The following SHISA6 variants were observed in gnomAD, a reference collection of about 807,000 sequenced individuals.
SHISA6 encodes protein shisa-6.
Under a neutral mutation model 47.9 loss-of-function variants are expected in SHISA6, and 22 were observed. The observed-to-expected ratio is 0.46, with a 90% confidence interval of 0.33 to 0.66. The LOEUF is 0.66. Ranked by LOEUF, SHISA6 falls within the 30% of genes least tolerant of loss-of-function variation. The probability of loss-of-function intolerance (pLI) is 0.02; values close to 1 mark genes in which losing one functional copy is unlikely to be tolerated. For synonymous variants in SHISA6, 388 were observed against 337.8 expected (o/e 1.15, Z -1.63); for missense variants, 680 against 764.6 (o/e 0.89, Z 1.30).
At chr17:11,350,116 G>A (rs983372119) in intron 2 of SHISA6, among the ~76,000 whole-genome samples, 6 of 150,530 alleles carry the variant, frequency 4.0e-5, no homozygotes, top group African/African-American at 1.2e-4. Flanking sequence ...CTCAGCCTCC[G>A]AAGTAGCTGG....
chr17:11,418,020 C>T (rs1164866196), intron 3 of SHISA6, among the ~76,000 whole-genome samples: 1 of 152,156 alleles, frequency 6.6e-6, no homozygotes, highest in Non-Finnish European at 1.5e-5. Flanking sequence ...ATCTTGTGAG[C>T]AGAGGTACAT....
At chr17:11,384,736 G>T (rs151338451) in intron 3 of SHISA6, among the ~76,000 whole-genome samples, 1 of 152,126 alleles carries the variant, frequency 6.6e-6, no homozygotes, top group African/African-American at 2.4e-5. Flanking sequence ...GTGATGATGC[G>T]AGTTACTGCC....
chr17:11,323,235 A>C (rs1281151446), intron 2 of SHISA6, among the ~76,000 whole-genome samples: 1 of 152,196 alleles, frequency 6.6e-6, no homozygotes, highest in Admixed American at 6.5e-5. Flanking sequence ...TAATTCCCAA[A>C]CCAAAGAATA....
At chr17:11,301,389 A>T (rs898592877) in intron 2 of SHISA6, among the ~76,000 whole-genome samples, 1 of 152,112 alleles carries the variant, frequency 6.6e-6, no homozygotes, top group African/African-American at 2.4e-5. Context: ...TTGTCTTTCT[A>T]ATTTTCCACT....
intron 2 of SHISA6, among the ~76,000 whole-genome samples, chr17:11,358,869 G>A (rs1398561608): frequency 6.6e-6 from 1 of 151,954 alleles, no homozygotes; most frequent in African/African-American, 2.4e-5. Flanking sequence ...ATGTTGCCTA[G>A]GCTGGTCTCG....
intron 2 of SHISA6, among the ~76,000 whole-genome samples, chr17:11,277,280 T>TCTCTCTCACACA (rs1386997909): frequency 1.2e-3 from 67 of 53,904 alleles, no homozygotes; most frequent in South Asian, 9.9e-3. Context: ...TCTCTCTCTC[T>TCTCTCTCACACA]CACACACACA....
In SHISA6 at chr17:11,438,025, A is replaced by G. The variant is rs181737436; in HGVS notation, c.895+58516A>G. On this transcript the variant is annotated intron_variant, in intron 3 of 5. Coordinates refer to ENST00000441885, the MANE Select transcript of SHISA6 (RefSeq NM_207386.4). Reference sequence around the variant, plus strand: ...GCAGGTTGAGTCAGGGTGGATAAGGATTTATGCCAGACTTATTGTCCACTC... The same window carrying G: ...GCAGGTTGAGTCAGGGTGGATAAGGGTTTATGCCAGACTTATTGTCCACTC... 9.7e-4 allele frequency among the ~76,000 whole-genome samples: 148 copies of G among 152,182 alleles called. 1 individual carries two copies. Among genetic ancestry groups the G allele is most frequent in the Non-Finnish European group, 1.2e-3 (83 of 68,000 alleles).
rs12165052 is a variant in SHISA6 at position 11,408,580 on chromosome 17, G to A, written c.895+29071G>A. On this transcript the variant is annotated intron_variant, in intron 3 of 5. Coordinates refer to ENST00000441885, the MANE Select transcript of SHISA6 (RefSeq NM_207386.4). Reference sequence around the variant, plus strand: ...GTCCTCAAGGGATATCTTAACTAATGCTACCTAGAAATGTAGTTCTGTAGC... The same window carrying A: ...GTCCTCAAGGGATATCTTAACTAATACTACCTAGAAATGTAGTTCTGTAGC... Among the ~76,000 whole-genome samples the A allele has an allele frequency of 2.4e-3, 372 of 152,330 alleles. 4 individuals carry two copies. The highest frequency in any genetic ancestry group is 8.4e-3 in the African/African-American group (348 of 41,568).
intron 2 of SHISA6, among the ~76,000 whole-genome samples, chr17:11,340,466 G>T (rs1911483032): frequency 1.3e-5 from 2 of 152,186 alleles, no homozygotes; most frequent in Non-Finnish European, 2.9e-5. Context: ...GTTTAAAGCA[G>T]AAGCTTCCAG....
chr17:11,463,584 T>C (rs988069053), intron 3 of SHISA6, among the ~76,000 whole-genome samples: 69 of 152,330 alleles, frequency 4.5e-4, no homozygotes, highest in African/African-American at 1.6e-3. Flanking sequence ...GGTCTGTATC[T>C]ATTTCTTTTT....
intron 3 of SHISA6, among the ~76,000 whole-genome samples, chr17:11,485,869 C>G (rs1341090247): frequency 6.6e-6 from 1 of 152,102 alleles, no homozygotes; most frequent in Non-Finnish European, 1.5e-5. Context: ...CCTCCCACCC[C>G]ACCTTCCAAG....
At chr17:11,373,273 A>C (rs1912686819) in intron 2 of SHISA6, among the ~76,000 whole-genome samples, 1 of 151,586 alleles carries the variant, frequency 6.6e-6, no homozygotes. Flanking sequence ...TGTGGCCTTT[A>C]TTCTTAAAGG....
At chr17:11,282,292 CAGAGT>C (rs1466018043) in intron 2 of SHISA6, among the ~76,000 whole-genome samples, 3 of 152,110 alleles carry the variant, frequency 2.0e-5, no homozygotes, top group Non-Finnish European at 4.4e-5. Flanking sequence ...TTTTTAACAT[CAGAGT>C]AGAGTTCTAG....
chr17:11,528,448 C>A (rs986098918), intron 3 of SHISA6, among the ~76,000 whole-genome samples: 1 of 152,098 alleles, frequency 6.6e-6, no homozygotes, highest in African/African-American at 2.4e-5. Context: ...AACGTATATA[C>A]ACGCATGTAT....
rs997815618 is a variant in SHISA6 at position 11,503,900 on chromosome 17, T to C, written c.896-47996T>C. On this transcript the variant is annotated intron_variant, in intron 3 of 5. Transcript: ENST00000441885. Reference sequence around the variant, plus strand: ...TTCTCTATGTACAAGTGTGTTAATGTGTATGCTCTCTGCAGCCTTCTGCTG... The same window carrying C: ...TTCTCTATGTACAAGTGTGTTAATGCGTATGCTCTCTGCAGCCTTCTGCTG... Among the ~76,000 whole-genome samples the C allele has an allele frequency of 2.0e-5, 3 of 152,248 alleles. No individual in the cohort carries two copies. In the East Asian group the frequency reaches 5.8e-4, roughly 29 times the overall value.
At chr17:11,276,910 G>A (rs954134931) in intron 2 of SHISA6, among the ~76,000 whole-genome samples, 2 of 152,112 alleles carry the variant, frequency 1.3e-5, no homozygotes, top group African/African-American at 4.8e-5. Flanking sequence ...TATGAAATTT[G>A]TCATTGTTTT....
intron 3 of SHISA6, among the ~76,000 whole-genome samples, chr17:11,494,329 C>T (rs907906410): frequency 6.6e-6 from 1 of 152,332 alleles, no homozygotes; most frequent in Middle Eastern, 3.4e-3. Context: ...CCTCTTCCCA[C>T]ATGTGGCTTG....
chr17:11,408,369 T>TA (rs1451810853), intron 3 of SHISA6, among the ~76,000 whole-genome samples: 1 of 152,200 alleles, frequency 6.6e-6, no homozygotes, highest in African/African-American at 2.4e-5. Flanking sequence ...ATCCCAGACT[T>TA]ACTGAATCAG....
chr17:11,363,610 A>C (rs1471021446), intron 2 of SHISA6, among the ~76,000 whole-genome samples: 1 of 152,178 alleles, frequency 6.6e-6, no homozygotes, highest in East Asian at 1.9e-4. Flanking sequence ...GTGCAAATAA[A>C]AGTTTAATGC....
Sources: gnomAD v4.1 joint callset for allele counts (sites outside exome capture counted in the v4.1 genomes callset) on GRCh38, gnomAD v4.1.1 for gene constraint, MANE v1.5 for transcripts, NCBI Gene and HGNC (gene_info 2026-07-23, HGNC 2026-07-21) for gene names.